METAP1D: variants seen among roughly 807,000 people sequenced by gnomAD.
The protein encoded by METAP1D is methionyl aminopeptidase type 1D, mitochondrial.
A neutral mutation model predicts 40.5 loss-of-function variants in METAP1D; 31 were observed. The ratio of observed to expected loss-of-function variants is 0.77; its 90% CI spans 0.58 to 1.03. The LOEUF (loss-of-function observed/expected upper bound fraction) is 1.03, where lower values mean the gene tolerates loss of function less well. METAP1D is among the 50% of genes least tolerant of loss of function. METAP1D has a pLI of 0.00. For synonymous variants in METAP1D, 151 were observed against 146.4 expected (o/e 1.03, Z -0.22); for missense variants, 411 against 420.7 (o/e 0.98, Z 0.20).
At chr2:172,039,413 C>T (rs1369635255) in intron 1 of METAP1D, among the ~76,000 whole-genome samples, 1 of 152,214 alleles carries the variant, frequency 6.6e-6, no homozygotes, top group Non-Finnish European at 1.5e-5. Flanking sequence ...TCCCAGGAAA[C>T]ACTGTGGCTG....
Position 172,070,929 on chromosome 2 carries a change from G to C in METAP1D, c.563G>C (p.Gly188Ala). The C allele has an allele frequency of 2.5e-6, 4 of 1,611,820 alleles. No homozygotes were observed. Among genetic ancestry groups the C allele is most frequent in the Non-Finnish European group, 3.4e-6 (4 of 1,178,638 alleles). Residue 188 changes from glycine (G) to alanine (A), a missense_variant, in exon 6 of 10, where the codon GGA becomes GCA. Gly to Ala is a moderately conservative substitution (Grantham distance 60). Transcript: ENST00000315796. ...DVTVYYNGYH[G>A]DTSETFLVGN... ...TAGGTCTATTACAATGGCTACCATG[G>C]AGACACCTCTGAAACATTTTTGGTG...
chr2:172,004,091 A>T (rs1245471850), intron 1 of METAP1D, among the ~76,000 whole-genome samples: 1 of 152,142 alleles, frequency 6.6e-6, no homozygotes, highest in East Asian at 1.9e-4. Flanking sequence ...TTTAACAAAT[A>T]TAAAAAAAAC....
chr2:172,016,275 CAAAAAAAA>C (rs1172458646), intron 1 of METAP1D, among the ~76,000 whole-genome samples: 1 of 9,732 alleles, frequency 1.0e-4, no homozygotes, highest in African/African-American at 5.7e-4. Flanking sequence ...GACCCTGTCT[CAAAAAAAA>C]AAAAAAAAAA....
chr2:172,029,401 G>T (rs968058019), intron 1 of METAP1D, among the ~76,000 whole-genome samples: 2 of 152,058 alleles, frequency 1.3e-5, no homozygotes, highest in African/African-American at 4.8e-5. Flanking sequence ...CCAGCATAAG[G>T]GATAGAGCCA....
intron 1 of METAP1D, among the ~76,000 whole-genome samples, chr2:172,011,043 C>A (rs1239872214): frequency 6.6e-6 from 1 of 152,124 alleles, no homozygotes; most frequent in African/African-American, 2.4e-5. Context: ...GCGTGAGCCA[C>A]CGCGCCCAGC....
intron 1 of METAP1D, among the ~76,000 whole-genome samples, chr2:172,059,634 T>C (rs1238736188): frequency 6.6e-6 from 1 of 152,262 alleles, no homozygotes; most frequent in African/African-American, 2.4e-5. Flanking sequence ...TTCAACCATT[T>C]ATAAATGTAA....
intron 1 of METAP1D, among the ~76,000 whole-genome samples, chr2:172,036,745 C>T (rs777291737): frequency 6.6e-6 from 1 of 152,080 alleles, no homozygotes; most frequent in Non-Finnish European, 1.5e-5. Context: ...TATGTGTATA[C>T]CTAGGATTGA....
intron 1 of METAP1D, among the ~76,000 whole-genome samples, chr2:172,016,811 A>G (rs569281394): frequency 6.6e-6 from 1 of 151,642 alleles, no homozygotes; most frequent in African/African-American, 2.4e-5. Flanking sequence ...ACTCCTGTCC[A>G]CTGGCCTGCC....
Position 172,045,012 on chromosome 2 carries a change from G to GA in METAP1D, c.41-16481dup, listed in dbSNP as rs1265299949. ...ATCTTTAACCTCAGGAGTATCTGAA[G>GA]AAAAATAAGTAAAAGTGAGATACAG... On this transcript the variant is annotated intron_variant, in intron 1 of 9. Coordinates refer to ENST00000315796, the MANE Select transcript of METAP1D (RefSeq NM_199227.3). Among the ~76,000 whole-genome samples, 60 of 134,742 alleles carry GA rather than the reference G, an allele frequency of 4.5e-4. 6 individuals carry two copies. Among genetic ancestry groups the GA allele is most frequent in the African/African-American group, 1.5e-3 (59 of 39,766 alleles). The allele number at this position is 134,742 out of a possible 152,430, so 88.4% of individuals were successfully genotyped here.
At chr2:172,006,341 G>A (rs1319468265) in intron 1 of METAP1D, among the ~76,000 whole-genome samples, 3 of 152,106 alleles carry the variant, frequency 2.0e-5, no homozygotes, top group South Asian at 2.1e-4. Flanking sequence ...CTGCCACCAC[G>A]CCCAGCTAAT....
chr2:172,016,926 C>G (rs1166633711), intron 1 of METAP1D, among the ~76,000 whole-genome samples: 2 of 151,992 alleles, frequency 1.3e-5, no homozygotes, highest in African/African-American at 4.8e-5. Flanking sequence ...TGGCTAATTC[C>G]TGCTTGTTCT....
At position 172,068,499 on chromosome 2, in the gene METAP1D, A is replaced by G. The variant is rs537675981; in HGVS notation, c.540+2193A>G. On this transcript the variant is annotated intron_variant, in intron 5 of 9. Transcript: ENST00000315796. ...TTTCAAAAGTATTGTATTTCTGTAT[A>G]TAGTGAATCTTTTAAGTAGTCTTTT... 7.9e-5 allele frequency among the ~76,000 whole-genome samples: 12 copies of G among 151,804 alleles called. No individual in the cohort carries two copies. The South Asian group carries it at 2.5e-3, about 32-fold the overall frequency.
intron 8 of METAP1D, 98 bp downstream of exon 8, chr2:172,079,360 A>G: frequency 9.4e-7 from 1 of 1,061,642 alleles, no homozygotes; most frequent in African/African-American, 1.6e-5. Context: ...CAATAAAGCC[A>G]ATCAGTGTAA....
chr2:172,030,163 C>T (rs1203208552), intron 1 of METAP1D, among the ~76,000 whole-genome samples: 1 of 149,968 alleles, frequency 6.7e-6, no homozygotes, highest in Non-Finnish European at 1.5e-5. Flanking sequence ...GATCTCGGCT[C>T]ACCACAACCT....
At chr2:172,030,209 A>G (rs1473453868) in intron 1 of METAP1D, among the ~76,000 whole-genome samples, 4 of 147,734 alleles carry the variant, frequency 2.7e-5, no homozygotes, top group Non-Finnish European at 4.5e-5. Context: ...CCTGCCTCAG[A>G]CTCCTGAGTA....
At chr2:172,018,874 A>G (rs1279099200) in intron 1 of METAP1D, among the ~76,000 whole-genome samples, 1 of 152,134 alleles carries the variant, frequency 6.6e-6, no homozygotes, top group East Asian at 1.9e-4. Flanking sequence ...TCGGTATTCC[A>G]CAATGTAATT....
At chr2:172,062,767 G>A (rs910428110) in intron 2 of METAP1D, among the ~76,000 whole-genome samples, 2 of 152,124 alleles carry the variant, frequency 1.3e-5, no homozygotes, top group Non-Finnish European at 1.5e-5. Context: ...GTGAAGACCC[G>A]TAACTCCTGC....
chr2:172,037,723 T>TA (rs1162569441), intron 1 of METAP1D, among the ~76,000 whole-genome samples: 1 of 152,208 alleles, frequency 6.6e-6, no homozygotes. Context: ...TCTGAACACT[T>TA]AATATCTAGA....
At position 172,042,945 on chromosome 2, in the gene METAP1D, G is replaced by A. The variant is rs1479401346; in HGVS notation, c.41-18553G>A. 1.6e-5 allele frequency among the ~76,000 whole-genome samples: 2 copies of A among 127,544 alleles called. 1 individual carries two copies. Among genetic ancestry groups the A allele is most frequent in the Admixed American group, 1.5e-4 (2 of 13,006 alleles). 83.7% of individuals were successfully genotyped at this position (127,544 alleles called of 152,430 possible). On this transcript the variant is annotated intron_variant, in intron 1 of 9. Coordinates refer to ENST00000315796, the MANE Select transcript of METAP1D (RefSeq NM_199227.3). ...TATGCGTACATGTGTATACACGTAT[G>A]CGTACCTGTGTATATATATGCGTAC...
Sources: gnomAD v4.1 joint callset for allele counts (sites outside exome capture counted in the v4.1 genomes callset) on GRCh38, gnomAD v4.1.1 for gene constraint, MANE v1.5 for transcripts, NCBI Gene and HGNC (gene_info 2026-07-23, HGNC 2026-07-21) for gene names.